ZNF429: variants seen among roughly 807,000 people sequenced by gnomAD.
ZNF429 encodes the protein zinc finger protein 429.
Under a neutral mutation model 56.8 loss-of-function variants are expected in ZNF429, and 53 were observed. That is an observed-to-expected ratio of 0.93 (90% CI 0.75 to 1.17). The LOEUF (loss-of-function observed/expected upper bound fraction) is 1.17. ZNF429 is among the 50% of genes most tolerant of loss of function. The probability of loss-of-function intolerance (pLI) is 0.00; values close to 1 mark genes in which losing one functional copy is unlikely to be tolerated. For missense variants in ZNF429, 849 were observed against 788.4 expected (o/e 1.08, Z -0.92); for synonymous variants, 278 against 264.7 (o/e 1.05, Z -0.49).
At chr19:21,532,878 A>G in intron 3 of ZNF429, among the ~76,000 whole-genome samples, 5 of 152,046 alleles carry the variant, frequency 3.3e-5, no homozygotes, top group African/African-American at 7.2e-5. Flanking sequence ...TTGTATTTTT[A>G]GTAGAGACAG....
intron 3 of ZNF429, 76 bp from the exon 4 acceptor site, chr19:21,536,204 T>G: frequency 7.0e-7 from 1 of 1,420,660 alleles, no homozygotes; most frequent in South Asian, 1.5e-5. Context: ...TTTTATAACT[T>G]TAGAGGTTTT....
At chr19:21,531,277 C>T in intron 3 of ZNF429, among the ~76,000 whole-genome samples, 12 of 152,128 alleles carry the variant, frequency 7.9e-5, no homozygotes, top group South Asian at 2.1e-4. Flanking sequence ...AGTACAGACC[C>T]CGCAGCCTTG....
At chr19:21,525,020 CAA>C (rs144149303) in intron 1 of ZNF429, among the ~76,000 whole-genome samples, 2,288 of 152,112 alleles carry the variant, frequency 0.015, 50 homozygotes, top group African/African-American at 0.052. Flanking sequence ...CCCTACCATC[CAA>C]AAACTCTTGG....
chr19:21,537,967 A>G lies in ZNF429; in HGVS notation c.1914A>G (p.Gln638=). The G allele has an allele frequency of 2.5e-6, 4 of 1,614,118 alleles. 1 individual carries two copies. In the South Asian group the frequency reaches 4.4e-5, roughly 18 times the overall value. ...TTACCCGGTCTTCAAGACTTACTCAACATAAGAAAATTCATAGGATGGGTG... is the reference window on the plus strand; with the variant it reads ...TTACCCGGTCTTCAAGACTTACTCAGCATAAGAAAATTCATAGGATGGGTG... ...KAFTRSSRLT[Q]HKKIHRMGVV... The change falls in exon 4 of 4, where the codon CAA becomes CAG. Residue 638 remains glutamine (Q), a synonymous_variant. Coordinates refer to ENST00000358491, the MANE Select transcript of ZNF429 (RefSeq NM_001001415.4).
At chr19:21,528,001 T>C (rs558125592) in intron 1 of ZNF429, among the ~76,000 whole-genome samples, 1 of 152,220 alleles carries the variant, frequency 6.6e-6, no homozygotes, top group African/African-American at 2.4e-5. Context: ...TAACTACTTT[T>C]TAAAATTCTT....
rs2145487610 is a variant in ZNF429 at position 21,536,805 on chromosome 19, A to T, written c.752A>T (p.His251Leu). The T allele has an allele frequency of 1.2e-6, 2 of 1,614,004 alleles. No homozygotes were observed. Among genetic ancestry groups the T allele is most frequent in the Non-Finnish European group, 1.7e-6 (2 of 1,179,984 alleles). The part of the protein sequence containing the change: ...YSTLTNHKRI[H>L]TGEKPYKCKE... ...ACCCTTACTAACCATAAGAGAATTC[A>T]TACTGGAGAGAAACCCTACAAATGT... is the stretch of plus-strand genomic sequence containing the variant. The change falls in exon 4 of 4, where the codon CAT becomes CTT. Residue 251 changes from histidine to leucine, a missense_variant. By Grantham distance (99) the His-to-Leu change is moderately conservative. Coordinates refer to ENST00000358491, the MANE Select transcript of ZNF429 (RefSeq NM_001001415.4).
intron 3 of ZNF429, among the ~76,000 whole-genome samples, chr19:21,536,075 A>G: frequency 6.6e-6 from 1 of 152,188 alleles, no homozygotes; most frequent in Admixed American, 6.5e-5. Flanking sequence ...CGTTGTACAC[A>G]TATAACTTAT....
chr19:21,506,372 C>A (rs978634399), intron 1 of ZNF429, among the ~76,000 whole-genome samples: 1 of 147,300 alleles, frequency 6.8e-6, no homozygotes, highest in Non-Finnish European at 1.5e-5. Flanking sequence ...GCACGAGAAT[C>A]GCTTAAACCC....
At position 21,530,682 on chromosome 19, in the gene ZNF429, C is replaced by A. The variant is rs898575410; in HGVS notation, c.224C>A (p.Pro75Gln). Residue 75 changes from proline (P) to glutamine (Q), a missense_variant and splice_region_variant, in exon 3 of 4, where the codon CCA (proline) becomes CAA (glutamine). Pro to Gln is a moderately conservative substitution (Grantham distance 76). Coordinates refer to ENST00000358491, the MANE Select transcript of ZNF429 (RefSeq NM_001001415.4). ...MKRHEMVDEPPVVCSHFAEDF... is the reference protein window; with the variant it reads ...MKRHEMVDEPQVVCSHFAEDF... The stretch of plus-strand genomic sequence containing the variant: ...CGACATGAAATGGTGGATGAACCCC[C>A]AGGTAGGTGAGAGTGAACACAACAG... The A allele has an allele frequency of 5.0e-6, 8 of 1,605,460 alleles. No homozygotes were observed. The highest frequency in any genetic ancestry group is 1.1e-5 in the South Asian group (1 of 89,876).
In ZNF429 at chr19:21,536,755, T is replaced by C; in HGVS notation, c.702T>C (p.Cys234=). 6.2e-7 allele frequency: 1 copy of C among 1,614,038 alleles called. No homozygotes were observed. Among genetic ancestry groups the C allele is most frequent in the Non-Finnish European group, 8.5e-7 (1 of 1,180,014 alleles). ...AGAAACACTACAGATGTGAAGAATG[T>C]GGCAAAGCATTTAACCACTACTCAA... is the stretch of plus-strand genomic sequence containing the variant. The part of the protein sequence containing the change: ...VGEKHYRCEE[C]GKAFNHYSTL... Residue 234 remains cysteine (C), a synonymous_variant, in exon 4 of 4, where the codon TGT becomes TGC. Coordinates refer to ENST00000358491, the MANE Select transcript of ZNF429 (RefSeq NM_001001415.4).
At position 21,529,664 on chromosome 19, in the gene ZNF429, T is replaced by C. The variant is rs745963817; in HGVS notation, c.10T>C (p.Leu4=). The C allele has an allele frequency of 6.3e-6, 10 of 1,578,990 alleles. No individual in the cohort carries two copies. The highest frequency in any genetic ancestry group is 4.6e-5 in the South Asian group (4 of 87,520). MGP[L]TFTDVAIEFS... ...TGGTGTGTGTGTGTTTCAGGGACCA[T>C]TGACATTTACAGATGTGGCCATAGA... is the stretch of plus-strand genomic sequence containing the variant. The change falls in exon 2 of 4, where the codon TTG becomes CTG. Residue 4 remains leucine (L), a synonymous_variant. Coordinates refer to ENST00000358491, the MANE Select transcript of ZNF429 (RefSeq NM_001001415.4).
At chr19:21,533,947 A>G in intron 3 of ZNF429, among the ~76,000 whole-genome samples, 1 of 152,166 alleles carries the variant, frequency 6.6e-6, no homozygotes. Context: ...CACACAACAG[A>G]TCATATACAG....
At chr19:21,511,652 G>A (rs1399791135) in intron 1 of ZNF429, among the ~76,000 whole-genome samples, 1 of 151,556 alleles carries the variant, frequency 6.6e-6, no homozygotes, top group African/African-American at 2.4e-5. Flanking sequence ...AGGCAGAGAC[G>A]CTCCTCACTT....
rs530520183 is a variant in ZNF429 at position 21,517,565 on chromosome 19, G to A, written c.3+11791G>A. On this transcript the variant is annotated intron_variant, in intron 1 of 3. Coordinates refer to ENST00000358491, the MANE Select transcript of ZNF429 (RefSeq NM_001001415.4). ...TTCAGCTGTGAATCTGTGGGTCCTA[G>A]GCTTTTTTTGGCTGGTAGGCTATTT... Among the ~76,000 whole-genome samples the A allele has an allele frequency of 7.0e-4, 107 of 152,110 alleles. No homozygotes were observed. The Middle Eastern group carries it at 0.017, about 24-fold the overall frequency.
At position 21,529,730 on chromosome 19, in the gene ZNF429, CAGAACTTATAT is replaced by C. The variant is rs2033303411; in HGVS notation, c.81_91del (p.Asn27LysfsTer19). On this transcript the variant is annotated frameshift_variant, in exon 2 of 4. Transcript: ENST00000358491. LOFTEE classifies it high-confidence loss of function. ...GTGGCAGTGCCTGGACACAGCACAACAGAACTTATATAGAAATGTGATGTTAGAGAACTACA... is the reference window on the plus strand; with the variant it reads ...GTGGCAGTGCCTGGACACAGCACAACAGAAATGTGATGTTAGAGAACTACA... 2 of 1,601,504 alleles carry C rather than the reference CAGAACTTATAT, an allele frequency of 1.2e-6. No individual in the cohort carries two copies. The highest frequency in any genetic ancestry group is 2.7e-5 in the African/African-American group (2 of 74,402).
At chr19:21,511,628 G>C (rs1180203936) in intron 1 of ZNF429, among the ~76,000 whole-genome samples, 2 of 149,364 alleles carry the variant, frequency 1.3e-5, no homozygotes, top group Non-Finnish European at 3.0e-5. Context: ...TCACATCCCA[G>C]ATGATGGGCG....
Position 21,537,015 on chromosome 19 carries a change from C to G in ZNF429, c.962C>G (p.Ala321Gly). ...TACAAATGTAAAGAATGTGGCAAAG[C>G]CTTTAACCGGTCCTCAACCCTTACT... ...KPYKCKECGK[A>G]FNRSSTLTSH... Residue 321 changes from alanine (A) to glycine (G), a missense_variant, in exon 4 of 4, where the codon GCC becomes GGC. Coordinates refer to ENST00000358491, the MANE Select transcript of ZNF429 (RefSeq NM_001001415.4). 6.2e-7 allele frequency: 1 copy of G among 1,613,790 alleles called. No individual in the cohort carries two copies. The highest frequency in any genetic ancestry group is 8.5e-7 in the Non-Finnish European group (1 of 1,179,908).
intron 1 of ZNF429, among the ~76,000 whole-genome samples, chr19:21,525,001 A>T (rs921564934): frequency 6.6e-6 from 1 of 152,094 alleles, no homozygotes. Flanking sequence ...AAAATGAAGC[A>T]GTCATGGTCC....
rs912838134 is a variant in ZNF429, at chr19:21,537,110, T to C, written c.1057T>C (p.Ser353Pro). ...CEECGKAFNW[S>P]STLTKHKVIH... ...AGAATGTGGCAAAGCCTTTAACTGG[T>C]CTTCAACTCTTACTAAACATAAGGT... The change falls in exon 4 of 4, where the codon TCT becomes CCT. Residue 353 changes from serine (S) to proline (P), a missense_variant. Coordinates refer to ENST00000358491, the MANE Select transcript of ZNF429 (RefSeq NM_001001415.4). The C allele has an allele frequency of 2.5e-6, 4 of 1,613,612 alleles. No individual in the cohort carries two copies. Among genetic ancestry groups the C allele is most frequent in the Non-Finnish European group, 3.4e-6 (4 of 1,179,890 alleles).
Sources: allele counts gnomAD v4.1 joint callset (sites outside exome capture counted in the v4.1 genomes callset), GRCh38; gene constraint gnomAD v4.1.1; transcripts MANE v1.5; gene names NCBI Gene and HGNC (gene_info 2026-07-23, HGNC 2026-07-21).